The following CLEC5A variants were observed in gnomAD, a reference collection of about 807,000 sequenced individuals.
CLEC5A encodes the protein C-type lectin domain containing 5A, also known as C-type lectin domain family 5 member A.
A neutral mutation model predicts 24.4 loss-of-function variants in CLEC5A; 15 were observed. The ratio of observed to expected loss-of-function variants is 0.62; its 90% CI spans 0.41 to 0.95. The LOEUF (loss-of-function observed/expected upper bound fraction) is 0.95. Among genes scored for constraint, CLEC5A ranks in the 40% least tolerant of loss-of-function variants. The pLI, the probability that CLEC5A is intolerant of heterozygous loss-of-function variation, is 0.00. For missense variants in CLEC5A, 211 were observed against 224.0 expected (o/e 0.94, Z 0.37); for synonymous variants, 71 against 72.6 (o/e 0.98, Z 0.11).
Position 141,930,040 on chromosome 7 carries a change from G to A in CLEC5A, c.*64C>T. 1.6e-6 allele frequency: 2 copies of A among 1,284,698 alleles called. No individual in the cohort carries two copies. Among genetic ancestry groups the A allele is most frequent in the South Asian group, 2.5e-5 (2 of 78,740 alleles). 79.6% of individuals were successfully genotyped at this position (1,284,698 alleles called of 1,614,324 possible). A position where few individuals can be genotyped will look rare whatever the true frequency, so the allele number is the denominator to read the frequency against. On this transcript the variant is annotated 3_prime_UTR_variant, in exon 7 of 7. Coordinates refer to ENST00000546910, the MANE Select transcript of CLEC5A (RefSeq NM_013252.3). ...AGATAGGTAAGTAAAAGAATCATTG[G>A]CCAGACGACCTGTATGGATTCAAAA...
At chr7:141,930,550 T>C (rs1278726688) in intron 6 of CLEC5A, among the ~76,000 whole-genome samples, 1 of 152,212 alleles carries the variant, frequency 6.6e-6, no homozygotes, top group African/African-American at 2.4e-5. Flanking sequence ...CTGTCTCTTC[T>C]TCCAAAAGTA....
At chr7:141,939,426 C>G (rs578085843) in intron 4 of CLEC5A, among the ~76,000 whole-genome samples, 1 of 151,446 alleles carries the variant, frequency 6.6e-6, no homozygotes, top group African/African-American at 2.4e-5. Context: ...AAAAAATATA[C>G]AGTAGATATA....
intron 4 of CLEC5A, among the ~76,000 whole-genome samples, chr7:141,937,952 A>T (rs1454832921): frequency 2.0e-5 from 3 of 152,198 alleles, no homozygotes; most frequent in African/African-American, 7.2e-5. Flanking sequence ...AGTCTGCAAG[A>T]CCCACAGCAT....
intron 5 of CLEC5A, among the ~76,000 whole-genome samples, chr7:141,932,892 C>CT (rs1554440566): frequency 6.6e-6 from 1 of 152,168 alleles, no homozygotes; most frequent in African/African-American, 2.4e-5. Context: ...TTATCTGACC[C>CT]TTTTTTAAAA....
At chr7:141,935,986 T>C in intron 4 of CLEC5A, 36 bp from the exon 5 acceptor site, 1 of 1,596,306 alleles carries the variant, frequency 6.3e-7, no homozygotes, top group African/African-American at 1.3e-5. Flanking sequence ...ACGAGTTTAC[T>C]GGTTTGGGTT....
chr7:141,935,926 T>C lies in CLEC5A; in HGVS notation c.233A>G (p.Tyr78Cys), dbSNP rs1554441034. 2 of 1,613,550 alleles carry C rather than the reference T, an allele frequency of 1.2e-6. No homozygotes were observed. The highest frequency in any genetic ancestry group is 1.7e-5 in the Admixed American group (1 of 59,990). Residue 78 changes from tyrosine to cysteine, a missense_variant, in exon 5 of 7, where the codon TAT becomes TGT. Coordinates refer to ENST00000546910, the MANE Select transcript of CLEC5A (RefSeq NM_013252.3). The stretch of plus-strand genomic sequence containing the variant: ...GGATAAGAAAAAACATCTTGCTTGA[T>C]AAAATTCCCAGTCTTTGGGGCAGAC... ...GTVCPKDWEF[Y>C]QARCFFLSTS...
At chr7:141,934,613 GTTTTTTTTTTTTTT>G (rs577797546) in intron 5 of CLEC5A, among the ~76,000 whole-genome samples, 1,338 of 61,844 alleles carry the variant, frequency 0.022, 34 homozygotes, top group African/African-American at 0.08. Context: ...TTTCTTTAAC[GTTTTTTTTTTTTTT>G]TTTTTTTTTT....
In CLEC5A at chr7:141,929,403, T is replaced by C. The variant is rs573318123; in HGVS notation, c.*701A>G. 1.3e-5 allele frequency: 2 copies of C among 152,334 alleles called. No homozygotes were observed. The highest frequency in any genetic ancestry group is 4.1e-4 in the South Asian group (2 of 4,830). 9.4% of individuals were successfully genotyped at this position (152,334 alleles called of 1,614,324 possible). A position where few individuals can be genotyped will look rare whatever the true frequency, so the allele number is the denominator to read the frequency against. ...ATGTTATAATGGAGTTTCAGAAATA[T>C]GACAAGGGAATTTTTAGCTTAAGTG... On this transcript the variant is annotated 3_prime_UTR_variant, in exon 7 of 7. Coordinates refer to ENST00000546910, the MANE Select transcript of CLEC5A (RefSeq NM_013252.3).
At position 141,945,356 on chromosome 7, in the gene CLEC5A, T is replaced by G; in HGVS notation, c.124A>C (p.Arg42=). 3.1e-6 allele frequency: 5 copies of G among 1,611,810 alleles called. No individual in the cohort carries two copies. Among genetic ancestry groups the G allele is most frequent in the Non-Finnish European group, 4.2e-6 (5 of 1,178,018 alleles). ...TGCAGATTACCTGTTCCATAGCTCC[T>G]GGTGGTGGTGAAACCATCGTTACTT... ...NKSNDGFTTT[R]SYGTVSQIFG... The change falls in exon 3 of 7, where the codon AGG becomes CGG. Residue 42 remains arginine, a synonymous_variant. Coordinates refer to ENST00000546910, the MANE Select transcript of CLEC5A (RefSeq NM_013252.3).
intron 4 of CLEC5A, among the ~76,000 whole-genome samples, chr7:141,937,445 G>C (rs1297356635): frequency 6.6e-6 from 1 of 152,188 alleles, no homozygotes; most frequent in Non-Finnish European, 1.5e-5. Flanking sequence ...TCTGCCTGCA[G>C]AAAGGGGAGG....
chr7:141,946,342 A>T (rs1554442149), intron 1 of CLEC5A, 30 bp from the exon 2 acceptor site: 6 of 1,544,444 alleles, frequency 3.9e-6, no homozygotes, highest in Non-Finnish European at 5.3e-6. Context: ...GCAGCATCAG[A>T]ATTCGGGTAC....
At chr7:141,938,180 G>T (rs1338570324) in intron 4 of CLEC5A, among the ~76,000 whole-genome samples, 1 of 152,180 alleles carries the variant, frequency 6.6e-6, no homozygotes, top group African/African-American at 2.4e-5. Flanking sequence ...GGTAAATAAG[G>T]CACCAGGGAC....
Position 141,935,886 on chromosome 7 carries a change from A to G in CLEC5A, c.273T>C (p.Ser91=). 2 of 1,613,584 alleles carry G rather than the reference A, an allele frequency of 1.2e-6. No individual in the cohort carries two copies. The highest frequency in any genetic ancestry group is 2.2e-5 in the South Asian group (2 of 91,080). ...RCFFLSTSES[S]WNESRDFCKG... is the part of the protein sequence containing the mutation. ...TGCAAAAGTCCCTGCTTTCATTCCAAGATGATTCAGAAGTGGATAAGAAAA... is the reference window on the plus strand; with the variant it reads ...TGCAAAAGTCCCTGCTTTCATTCCAGGATGATTCAGAAGTGGATAAGAAAA... Residue 91 remains serine (S), a synonymous_variant, in exon 5 of 7, where the codon TCT becomes TCC. Transcript: ENST00000546910.
At position 141,927,814 on chromosome 7, in the gene CLEC5A, A is replaced by C. The variant is rs185914736; in HGVS notation, c.*2290T>G. 8.9e-4 allele frequency: 136 copies of C among 152,352 alleles called. 1 individual carries two copies. The highest frequency in any genetic ancestry group is 3.0e-3 in the African/African-American group (125 of 41,580). 9.4% of individuals were successfully genotyped at this position (152,352 alleles called of 1,614,324 possible). On this transcript the variant is annotated 3_prime_UTR_variant, in exon 7 of 7. Coordinates refer to ENST00000546910, the MANE Select transcript of CLEC5A (RefSeq NM_013252.3). Reference sequence around the variant, plus strand: ...TAAGCTTCTAGCAAATTGAAAAGCTACTTCTTGGATGAAGATCTCAACTTC... The same window carrying C: ...TAAGCTTCTAGCAAATTGAAAAGCTCCTTCTTGGATGAAGATCTCAACTTC...
At position 141,945,447 on chromosome 7, in the gene CLEC5A, GATGAAT is replaced by G. The variant is rs1554442054; in HGVS notation, c.80-53_80-48del. ...GGCTCAGCCCCAAATGTGACTGCATGATGAATATGACAAACAAGTATCAGCACAGGG... is the reference window on the plus strand; with the variant it reads ...GGCTCAGCCCCAAATGTGACTGCATGATGACAAACAAGTATCAGCACAGGG... On this transcript the variant is annotated intron_variant, in intron 2 of 6. Transcript: ENST00000546910. The G allele has an allele frequency of 2.3e-6, 3 of 1,310,678 alleles. No homozygotes were observed. The African/African-American group carries it at 4.4e-5, about 19-fold the overall frequency. The allele number at this position is 1,310,678 out of a possible 1,614,324, so 81.2% of individuals were successfully genotyped here. A position where few individuals can be genotyped will look rare whatever the true frequency, so the allele number is the denominator to read the frequency against.
intron 6 of CLEC5A, among the ~76,000 whole-genome samples, chr7:141,931,282 G>A (rs1802449359): frequency 6.6e-6 from 1 of 152,098 alleles, no homozygotes; most frequent in African/African-American, 2.4e-5. Context: ...ATACCAACTG[G>A]GTTGCCTCCA....
Position 141,930,146 on chromosome 7 carries a change from A to G in CLEC5A, c.525T>C (p.Cys175=), listed in dbSNP as rs782254510. ...CACAGATCCTGCGGTAGCTGATGTCACATGATGCAGCATCAAATGTCTTTG... is the reference window on the plus strand; with the variant it reads ...CACAGATCCTGCGGTAGCTGATGTCGCATGATGCAGCATCAAATGTCTTTG... ...GLTKTFDAAS[C]DISYRRICEK... The change falls in exon 7 of 7, where the codon TGT becomes TGC. Residue 175 remains cysteine (C), a synonymous_variant. Transcript: ENST00000546910. 10 of 1,614,096 alleles carry G rather than the reference A, an allele frequency of 6.2e-6. No individual in the cohort carries two copies. The highest frequency in any genetic ancestry group is 8.5e-6 in the Non-Finnish European group (10 of 1,180,034).
At chr7:141,941,032 C>T (rs2128962041) in intron 4 of CLEC5A, among the ~76,000 whole-genome samples, 1 of 152,180 alleles carries the variant, frequency 6.6e-6, no homozygotes, top group African/African-American at 2.4e-5. Context: ...CCTACTCAAA[C>T]TGTTCTGAAA....
Position 141,943,929 on chromosome 7 carries a change from T to G in CLEC5A, c.175A>C (p.Asn59His). 1 of 1,611,816 alleles carries G rather than the reference T, an allele frequency of 6.2e-7. No homozygotes were observed. The highest frequency in any genetic ancestry group is 8.5e-7 in the Non-Finnish European group (1 of 1,178,196). ...TAGCTCCTTGTGGTAATGAAGCCGT[T>G]GGGACTTGGGGAACTGCTCCCAAAA... ...QIFGSSSPSP[N>H]GFITTRSYGT... Residue 59 changes from asparagine (N) to histidine (H), a missense_variant, in exon 4 of 7, where the codon AAC becomes CAC. Physicochemically the swap from Asn to His is moderately conservative, Grantham distance 68. Transcript: ENST00000546910.
Sources: gnomAD v4.1 joint callset for allele counts (sites outside exome capture counted in the v4.1 genomes callset) on GRCh38, gnomAD v4.1.1 for gene constraint, MANE v1.5 for transcripts, NCBI Gene and HGNC (gene_info 2026-07-23, HGNC 2026-07-21) for gene names.